The following TSBP1 variants were observed in gnomAD, a reference collection of about 807,000 sequenced individuals.
The protein encoded by TSBP1 is testis-expressed basic protein 1.
TSBP1 carries 56 observed loss-of-function variants against 68.8 expected under a neutral mutation model. The ratio of observed to expected loss-of-function variants is 0.81; its 90% confidence interval spans 0.66 to 1.02. TSBP1 has a LOEUF of 1.02. Ranked by LOEUF, TSBP1 falls within the 50% of genes least tolerant of loss-of-function variation. The pLI is 0.00. For synonymous variants in TSBP1, 171 were observed against 208.7 expected (o/e 0.82, Z 1.56); for missense variants, 502 against 641.2 (o/e 0.78, Z 2.34).
chr6:32,316,899 C>T lies in TSBP1; in HGVS notation c.560-1107G>A, dbSNP rs1244383400. Among the ~76,000 whole-genome samples the T allele has an allele frequency of 4.6e-5, 7 of 152,044 alleles. No homozygotes were observed. Among genetic ancestry groups the T allele is most frequent in the Admixed American group, 4.6e-4 (7 of 15,262 alleles). On this transcript the variant is annotated intron_variant, in intron 18 of 22. Coordinates refer to ENST00000612031, the Ensembl canonical transcript of TSBP1. The surrounding 1 kb of genome is among the most constrained non-coding windows in gnomAD (Gnocchi z 4.5). ...GGATCACGAGGTCAGGAGATCAAGACCATCCTGGCGAACACTGTGATGTTC... is the reference window on the plus strand; with the variant it reads ...GGATCACGAGGTCAGGAGATCAAGATCATCCTGGCGAACACTGTGATGTTC...
chr6:32,309,356 T>C (rs1284107761), intron 19 of TSBP1, among the ~76,000 whole-genome samples: 2 of 152,198 alleles, frequency 1.3e-5, no homozygotes, highest in Non-Finnish European at 2.9e-5. Flanking sequence ...CTTACATATG[T>C]TTCTTGGTTC....
At chr6:32,328,946 G>A (rs1371859537) in intron 16 of TSBP1, among the ~76,000 whole-genome samples, 6 of 152,098 alleles carry the variant, frequency 3.9e-5, no homozygotes, top group African/African-American at 1.4e-4. Flanking sequence ...TGTCATATAT[G>A]GCATAGTGGT....
chr6:32,358,876 C>T (rs7775581), intron 6 of TSBP1, among the ~76,000 whole-genome samples: 72,318 of 151,358 alleles, frequency 0.48, 18,598 homozygotes, highest in Middle Eastern at 0.59. Context: ...AATAAACATA[C>T]GTGTGCATGT....
chr6:32,333,071 T>C lies in TSBP1; in HGVS notation c.473-1017A>G, dbSNP rs9394087. 0.34 allele frequency among the ~76,000 whole-genome samples: 52,115 copies of C among 151,780 alleles called. 10,039 individuals are homozygous for C. Among genetic ancestry groups the C allele is most frequent in the Middle Eastern group, 0.53 (154 of 292 alleles). ...TCGCCCAGGCTGGAATGCAGTGGCA[T>C]GATCTCGGCTCACTGCAACCTCTGC... On this transcript the variant is annotated intron_variant, in intron 14 of 22. Transcript: ENST00000612031. The surrounding 1 kb of genome is among the most constrained non-coding windows in gnomAD (Gnocchi z 4.2).
In TSBP1 at chr6:32,336,531, A is replaced by T. The variant is rs191624027; in HGVS notation, c.430+84T>A. 2.7e-6 allele frequency: 3 copies of T among 1,127,866 alleles called. No individual in the cohort carries two copies. Among genetic ancestry groups the T allele is most frequent in the African/African-American group, 1.6e-5 (1 of 63,838 alleles). The allele number at this position is 1,127,866 out of a possible 1,614,324, so 69.9% of individuals were successfully genotyped here. ...TAAAATAAAAGTTGAAATTATTTTTAAAAATGCAGGGCAGATCAGGCCCCA... is the reference window on the plus strand; with the variant it reads ...TAAAATAAAAGTTGAAATTATTTTTTAAAATGCAGGGCAGATCAGGCCCCA... On this transcript the variant is annotated intron_variant, in intron 12 of 22. Coordinates refer to ENST00000612031, the Ensembl canonical transcript of TSBP1. The surrounding 1 kb of genome is among the most constrained non-coding windows in gnomAD (Gnocchi z 5.2).
intron 9 of TSBP1, among the ~76,000 whole-genome samples, chr6:32,347,371 A>T (rs1294615714): frequency 6.6e-6 from 1 of 152,092 alleles, no homozygotes; most frequent in African/African-American, 2.4e-5. Flanking sequence ...TCTGTTGTTG[A>T]GGCTGTGATG....
At chr6:32,363,257 T>C (rs1213427155) in intron 6 of TSBP1, among the ~76,000 whole-genome samples, 2 of 152,132 alleles carry the variant, frequency 1.3e-5, no homozygotes, top group Non-Finnish European at 2.9e-5. Context: ...TCTATATGTA[T>C]CCTTAGAGCT....
chr6:32,369,675 T>C (rs1774171323), intron 2 of TSBP1, among the ~76,000 whole-genome samples: 1 of 152,200 alleles, frequency 6.6e-6, no homozygotes, highest in Admixed American at 6.5e-5. Context: ...GGCCTGTGAC[T>C]TTTTCTTTGA....
chr6:32,310,761 A>ATATTTTTTTTT lies in TSBP1; in HGVS notation c.580+5010_580+5011insAAAAAAAAATA. Among the ~76,000 whole-genome samples, 663 of 144,806 alleles carry ATATTTTTTTTT rather than the reference A, an allele frequency of 4.6e-3. 6 individuals carry two copies. Among genetic ancestry groups the ATATTTTTTTTT allele is most frequent in the East Asian group, 8.0e-3 (40 of 5,006 alleles). 95.0% of individuals were successfully genotyped at this position (144,806 alleles called of 152,430 possible). A position where few individuals can be genotyped will look rare whatever the true frequency, so the allele number is the denominator to read the frequency against. ...TATATATACATATATATATATATAT[A>ATATTTTTTTTT]TTTTTAATCTTTTTAGAAAGGATAG... On this transcript the variant is annotated intron_variant, in intron 19 of 22. Coordinates refer to ENST00000612031, the Ensembl canonical transcript of TSBP1.
intron 22 of TSBP1, among the ~76,000 whole-genome samples, chr6:32,298,294 C>T (rs1764910251): frequency 6.6e-6 from 1 of 152,050 alleles, no homozygotes; most frequent in Non-Finnish European, 1.5e-5. Context: ...AAATTAATTT[C>T]CCCGGCTGGG....
chr6:32,330,408 TA>T lies in TSBP1; in HGVS notation c.514+180del, dbSNP rs566699989. ...GGACATTTTCTTACTCTTTTTCTTT[TA>T]AAAAAAATAGCCCTGGAGAATTCTC... On this transcript the variant is annotated intron_variant, in intron 16 of 22. Coordinates refer to ENST00000612031, the Ensembl canonical transcript of TSBP1. Among the ~76,000 whole-genome samples the T allele has an allele frequency of 3.3e-5, 5 of 151,718 alleles. No homozygotes were observed. The South Asian group carries it at 6.3e-4, about 19-fold the overall frequency.
intron 4 of TSBP1, 168 bp from the exon 5 acceptor site, chr6:32,366,470 A>G (rs1489447202): frequency 1.3e-6 from 1 of 770,272 alleles, no homozygotes; most frequent in Admixed American, 2.2e-5. Flanking sequence ...TCATGAAAAA[A>G]TAAGTTTATC....
At chr6:32,327,235 C>T (rs1457052506) in intron 16 of TSBP1, among the ~76,000 whole-genome samples, 2 of 152,154 alleles carry the variant, frequency 1.3e-5, no homozygotes, top group Non-Finnish European at 2.9e-5. Context: ...GTATGCCAGG[C>T]CCTATAGGAA....
chr6:32,315,710 T>C lies in TSBP1; in HGVS notation c.580+62A>G. ...TATGAGTCTCAATCTTTTGGATACT[T>C]AGAAGTGGAAACATCTAACATAAAT... On this transcript the variant is annotated intron_variant, in intron 19 of 22. Transcript: ENST00000612031. This position sits in a 1 kb window ranked among gnomAD's most constrained non-coding sequence, Gnocchi z 5.4. 2.7e-6 allele frequency: 3 copies of C among 1,102,052 alleles called. No individual in the cohort carries two copies. Among genetic ancestry groups the C allele is most frequent in the Non-Finnish European group, 2.6e-6 (2 of 782,000 alleles). The allele number at this position is 1,102,052 out of a possible 1,614,324, so 68.3% of individuals were successfully genotyped here. A position where few individuals can be genotyped will look rare whatever the true frequency, so the allele number is the denominator to read the frequency against.
At chr6:32,344,594 C>A (rs893010001) in intron 9 of TSBP1, among the ~76,000 whole-genome samples, 2 of 152,064 alleles carry the variant, frequency 1.3e-5, no homozygotes, top group African/African-American at 4.8e-5. Context: ...TTAAAAGCAT[C>A]AGCGTTAATC....
At chr6:32,359,343 T>A (rs1168296535) in intron 6 of TSBP1, among the ~76,000 whole-genome samples, 1 of 152,112 alleles carries the variant, frequency 6.6e-6, no homozygotes, top group Non-Finnish European at 1.5e-5. Flanking sequence ...CCATTCTAAC[T>A]GGTGTGAGAT....
At chr6:32,317,154 C>T (rs1767049955) in intron 18 of TSBP1, among the ~76,000 whole-genome samples, 1 of 152,112 alleles carries the variant, frequency 6.6e-6, no homozygotes, top group Non-Finnish European at 1.5e-5. Context: ...AATAAGGCCA[C>T]ATGACTACAA....
intron 22 of TSBP1, among the ~76,000 whole-genome samples, chr6:32,295,349 CAA>C (rs3038432): frequency 6.6e-5 from 6 of 90,858 alleles, no homozygotes; most frequent in Admixed American, 2.9e-4. Context: ...CACACACACA[CAA>C]AAAAAAAAAA....
chr6:32,293,533 T>C, exon 23 of TSBP1: 4 of 1,611,878 alleles, frequency 2.5e-6, no homozygotes, highest in Non-Finnish European at 3.4e-6. Context: ...TTACTTGGGA[T>C]TCCTGTCTTC....
Sources: gnomAD v4.1 joint callset for allele counts (sites outside exome capture counted in the v4.1 genomes callset) on GRCh38, gnomAD v4.1.1 for gene constraint, Gnocchi (gnomAD v3.1) non-coding constraint, MANE v1.5 for transcripts, NCBI Gene and HGNC (gene_info 2026-07-23, HGNC 2026-07-21) for gene names.